PKHD1L1: variants seen among roughly 807,000 people sequenced by gnomAD.
The protein encoded by PKHD1L1 is PKHD1 like 1.
A neutral mutation model predicts 462.9 loss-of-function variants in PKHD1L1; 434 were observed. The ratio of observed to expected loss-of-function variants is 0.94; its 90% CI spans 0.87 to 1.02. The LOEUF (loss-of-function observed/expected upper bound fraction) is 1.02. Among genes scored for constraint, PKHD1L1 ranks in the 50% least tolerant of loss-of-function variants. The probability of loss-of-function intolerance (pLI) is 0.00; values close to 1 mark genes in which losing one functional copy is unlikely to be tolerated. For missense variants in PKHD1L1, 5,202 were observed against 5,096.1 expected (o/e 1.02, Z -0.63); for synonymous variants, 1,781 against 1,750.0 (o/e 1.02, Z -0.44).
intron 6 of PKHD1L1, among the ~76,000 whole-genome samples, chr8:109,386,521 A>G (rs1812451810): frequency 6.6e-6 from 1 of 152,186 alleles, no homozygotes; most frequent in Non-Finnish European, 1.5e-5. Flanking sequence ...AAGCAATTTA[A>G]AAGGTTTTAA....
At position 109,451,033 on chromosome 8, in the gene PKHD1L1, G is replaced by A. The variant is rs755892259; in HGVS notation, c.6234G>A (p.Gln2078=). 1.9e-6 allele frequency: 3 copies of A among 1,613,826 alleles called. No individual in the cohort carries two copies. The highest frequency in any genetic ancestry group is 1.7e-5 in the Admixed American group (1 of 60,020). The change falls in exon 41 of 78, where the codon CAG becomes CAA. Residue 2078 remains glutamine (Q), a synonymous_variant. Coordinates refer to ENST00000378402, the MANE Select transcript of PKHD1L1 (RefSeq NM_177531.6). ...TGGTTAATGGGAAAGATTTGTCACAGTCCATGACTCCGTTTACGTACGCAG... is the reference window on the plus strand; with the variant it reads ...TGGTTAATGGGAAAGATTTGTCACAATCCATGACTCCGTTTACGTACGCAG... ...VSVVNGKDLS[Q]SMTPFTYAVS... is the part of the protein sequence containing the mutation.
chr8:109,511,823 T>A (rs1318120267), intron 71 of PKHD1L1, among the ~76,000 whole-genome samples: 1 of 152,142 alleles, frequency 6.6e-6, no homozygotes, highest in Non-Finnish European at 1.5e-5. Flanking sequence ...AGTGTAAAAG[T>A]GTTCCTATTT....
In PKHD1L1 at chr8:109,523,293, A is replaced by G. The variant is rs769506642; in HGVS notation, c.12391A>G (p.Asn4131Asp). 1 of 1,612,410 alleles carries G rather than the reference A, an allele frequency of 6.2e-7. No homozygotes were observed. The highest frequency in any genetic ancestry group is 8.5e-7 in the Non-Finnish European group (1 of 1,178,912). Residue 4131 changes from asparagine (N) to aspartate (D), a missense_variant, in exon 76 of 78, where the codon AAT (asparagine) becomes GAT (aspartate). Physicochemically the swap from Asn to Asp is conservative, Grantham distance 23. Transcript: ENST00000378402. ...LTLRAILKDS[N>D]NNQVNGLSGN... ...TTTGAGGGCCATACTCAAGGACTCC[A>G]ATAATAACCAAGTCAATGGCCTTAG... is the stretch of plus-strand genomic sequence containing the variant.
At chr8:109,382,690 G>T in intron 4 of PKHD1L1, 119 bp downstream of exon 4, 1 of 586,688 alleles carries the variant, frequency 1.7e-6, no homozygotes, top group Non-Finnish European at 2.8e-6. Flanking sequence ...ACATTAGCAT[G>T]TAACAAAGGA....
At chr8:109,370,127 T>G (rs1811423175) in intron 2 of PKHD1L1, among the ~76,000 whole-genome samples, 1 of 152,194 alleles carries the variant, frequency 6.6e-6, no homozygotes, top group Admixed American at 6.5e-5. Context: ...TTATTTATTT[T>G]TATTTTTTTG....
intron 40 of PKHD1L1, 109 bp downstream of exon 40, chr8:109,449,596 TTTATG>T: frequency 1.0e-6 from 1 of 952,566 alleles, no homozygotes; most frequent in Non-Finnish European, 1.5e-6. Flanking sequence ...ATTAAATCAC[TTTATG>T]ACTGTCCTGA....
At chr8:109,474,328 G>A (rs895429811) in intron 50 of PKHD1L1, among the ~76,000 whole-genome samples, 4 of 152,118 alleles carry the variant, frequency 2.6e-5, no homozygotes, top group African/African-American at 9.7e-5. Context: ...AAAAATAGAG[G>A]CAGTTAATGA....
rs371375847 is a variant in PKHD1L1, at chr8:109,436,471, G to T, written c.3627+12G>T. On this transcript the variant is annotated intron_variant, in intron 30 of 77. Coordinates refer to ENST00000378402, the MANE Select transcript of PKHD1L1 (RefSeq NM_177531.6). ...GCAGGACACCAAAAGTAAGGCCTCT[G>T]ATTTCAGTCACTTTTTCCTCCTAAG... 7.0e-5 allele frequency: 112 copies of T among 1,610,324 alleles called. No individual in the cohort carries two copies. The highest frequency in any genetic ancestry group is 9.2e-5 in the Non-Finnish European group (109 of 1,178,968).
intron 51 of PKHD1L1, among the ~76,000 whole-genome samples, chr8:109,476,304 G>A (rs974124597): frequency 2.0e-5 from 3 of 151,402 alleles, no homozygotes; most frequent in East Asian, 1.9e-4. Flanking sequence ...AGATCCTTTC[G>A]TTGCCTTAGT....
rs1816566404 is a variant in PKHD1L1 at position 109,452,273 on chromosome 8, C to T, written c.6500C>T (p.Ala2167Val). The change falls in exon 42 of 78, where the codon GCC becomes GTC. Residue 2167 changes from alanine to valine, a missense_variant. Around this residue, in one of 3 missense-constraint regions of PKHD1L1, gnomAD observed 4,497 missense variants for 4,336.8 expected, o/e 1.04. Transcript: ENST00000378402. ...GTCCACATCAGAGGTGTCGGCATGG[C>T]CAAACTGGTAATAGTGCTGTTGGGT... Reference protein sequence around the residue: ...VCVHIRGVGMAKLDNADFLYV... With the variant: ...VCVHIRGVGMVKLDNADFLYV... 1.9e-6 allele frequency: 3 copies of T among 1,600,152 alleles called. No homozygotes were observed. The highest frequency in any genetic ancestry group is 8.5e-7 in the Non-Finnish European group (1 of 1,171,756).
intron 27 of PKHD1L1, among the ~76,000 whole-genome samples, chr8:109,430,841 A>G (rs1352405348): frequency 6.6e-6 from 1 of 152,194 alleles, no homozygotes; most frequent in African/African-American, 2.4e-5. Flanking sequence ...TGATGATACT[A>G]ACTTTGAGAT....
At position 109,508,009 on chromosome 8, in the gene PKHD1L1, A is replaced by G. The variant is rs140055648; in HGVS notation, c.11228-88A>G. ...ATAACTTTTATTTTCTACTTCTTAA[A>G]CTAGCATAACAAGAAATAGATGTTA... On this transcript the variant is annotated intron_variant, in intron 69 of 77. Coordinates refer to ENST00000378402, the MANE Select transcript of PKHD1L1 (RefSeq NM_177531.6). The G allele has an allele frequency of 8.1e-6, 12 of 1,488,488 alleles. No homozygotes were observed. In the East Asian group the frequency reaches 2.5e-4, roughly 31 times the overall value. 92.2% of individuals were successfully genotyped at this position (1,488,488 alleles called of 1,614,324 possible).
intron 50 of PKHD1L1, among the ~76,000 whole-genome samples, chr8:109,474,616 T>C (rs1440804814): frequency 3.3e-5 from 5 of 152,144 alleles, no homozygotes; most frequent in Non-Finnish European, 7.4e-5. Context: ...CAGATTTTAA[T>C]TAGCTCAACA....
intron 50 of PKHD1L1, among the ~76,000 whole-genome samples, chr8:109,472,054 T>C (rs1189751633): frequency 2.7e-5 from 4 of 150,622 alleles, no homozygotes; most frequent in Non-Finnish European, 5.9e-5. Context: ...TACTTTATTA[T>C]AAAATGCTCC....
intron 9 of PKHD1L1, among the ~76,000 whole-genome samples, chr8:109,393,727 A>G (rs1208812147): frequency 2.0e-5 from 3 of 152,210 alleles, no homozygotes; most frequent in Admixed American, 2.0e-4. Context: ...TAAAGATCAA[A>G]CGGCATAATC....
chr8:109,463,645 G>A (rs1783145), intron 48 of PKHD1L1, among the ~76,000 whole-genome samples: 76,373 of 151,978 alleles, frequency 0.5, 19,470 homozygotes, highest in South Asian at 0.68. Flanking sequence ...AGAATGCACA[G>A]CAGGGTGATT....
chr8:109,385,920 G>C (rs1812421184), intron 6 of PKHD1L1, among the ~76,000 whole-genome samples: 1 of 152,114 alleles, frequency 6.6e-6, no homozygotes, highest in South Asian at 2.1e-4. Context: ...TTGAGTTATA[G>C]TCATACAACT....
intron 55 of PKHD1L1, among the ~76,000 whole-genome samples, chr8:109,481,152 A>G (rs911821528): frequency 6.6e-6 from 1 of 151,914 alleles, no homozygotes; most frequent in Non-Finnish European, 1.5e-5. Context: ...TTTCAAATAC[A>G]TTATGGTCTG....
chr8:109,489,804 G>T, intron 59 of PKHD1L1, 148 bp from the exon 60 acceptor site: 1 of 624,950 alleles, frequency 1.6e-6, no homozygotes. Flanking sequence ...ATGAAAAGAG[G>T]TCTGAGAAAT....
Sources: gnomAD v4.1 joint callset for allele counts (sites outside exome capture counted in the v4.1 genomes callset) on GRCh38, gnomAD v4.1.1 for gene constraint, gnomAD v4.1.1 regional missense constraint, MANE v1.5 for transcripts, NCBI Gene and HGNC (gene_info 2026-07-23, HGNC 2026-07-21) for gene names.